The following PAK5 variants were observed in gnomAD, a reference collection of about 807,000 sequenced individuals.
PAK5 encodes the protein serine/threonine-protein kinase PAK 5.
In PAK5, 16 loss-of-function variants were observed where a neutral mutation model predicts 65.9. The ratio of observed to expected loss-of-function variants is 0.24; its 90% CI spans 0.16 to 0.37. The LOEUF (loss-of-function observed/expected upper bound fraction) is 0.37. PAK5 is among the 10% of genes least tolerant of loss of function. The pLI is 1.00. For missense variants in PAK5, 785 were observed against 903.9 expected (o/e 0.87, Z 1.69); for synonymous variants, 371 against 354.9 (o/e 1.05, Z -0.51).
intron 1 of PAK5, among the ~76,000 whole-genome samples, chr20:9,802,480 C>A (rs968990271): frequency 2.0e-5 from 3 of 151,988 alleles, no homozygotes; most frequent in Non-Finnish European, 2.9e-5. Context: ...TTAAAGGGAA[C>A]CCCAGAAATA....
chr20:9,766,333 A>AATATATATATTCTACTTACTTGAATAT (rs2048760078), intron 1 of PAK5, among the ~76,000 whole-genome samples: 2 of 25,932 alleles, frequency 7.7e-5, no homozygotes, highest in Admixed American at 4.2e-4. Context: ...TACTTACTTG[A>AATATATATATTCTACTTACTTGAATAT]ATATATATAT....
intron 3 of PAK5, among the ~76,000 whole-genome samples, chr20:9,613,558 T>C (rs931250932): frequency 6.6e-6 from 1 of 152,224 alleles, no homozygotes; most frequent in Non-Finnish European, 1.5e-5. Flanking sequence ...AAAAATCTGT[T>C]CATGCTTCTG....
chr20:9,684,929 A>C (rs1600239953), intron 2 of PAK5, among the ~76,000 whole-genome samples: 1 of 152,186 alleles, frequency 6.6e-6, no homozygotes, highest in East Asian at 1.9e-4. Flanking sequence ...TGCTGTATAG[A>C]GGATCTAACC....
intron 2 of PAK5, among the ~76,000 whole-genome samples, chr20:9,673,363 C>CT (rs1045801958): frequency 6.6e-6 from 1 of 152,090 alleles, no homozygotes; most frequent in Non-Finnish European, 1.5e-5. Flanking sequence ...TCCAAGAGAA[C>CT]TTTTTTCAAA....
intron 3 of PAK5, among the ~76,000 whole-genome samples, chr20:9,617,440 T>C (rs1190732617): frequency 6.6e-6 from 1 of 152,084 alleles, no homozygotes; most frequent in African/African-American, 2.4e-5. Context: ...TGTAATGACA[T>C]TGGAAACAGC....
intron 1 of PAK5, among the ~76,000 whole-genome samples, chr20:9,733,672 C>T (rs2423448): frequency 0.49 from 74,813 of 151,846 alleles, 18,511 homozygotes; most frequent in South Asian, 0.63. Flanking sequence ...CTTGAACTCC[C>T]GACCTCAAGT....
intron 2 of PAK5, among the ~76,000 whole-genome samples, chr20:9,647,554 C>T (rs2047149903): frequency 6.6e-6 from 1 of 152,140 alleles, no homozygotes; most frequent in Non-Finnish European, 1.5e-5. Context: ...CCAGTGGTTG[C>T]TATGCCACTC....
chr20:9,700,527 A>G (rs1350015916), intron 2 of PAK5, among the ~76,000 whole-genome samples: 1 of 152,180 alleles, frequency 6.6e-6, no homozygotes, highest in Non-Finnish European at 1.5e-5. Flanking sequence ...TACTTTGAAT[A>G]GATCCATCAT....
At position 9,738,170 on chromosome 20, in the gene PAK5, CA is replaced by C. The variant is rs1175049908; in HGVS notation, c.-161-26736del. On this transcript the variant is annotated intron_variant, in intron 1 of 9. Coordinates refer to ENST00000353224, the MANE Select transcript of PAK5 (RefSeq NM_177990.4). ...AACAAAAAACAAACAAACAAACAAA[CA>C]AAAAAACAATGTGGAGGAACTGGAA... Among the ~76,000 whole-genome samples, 40 of 150,278 alleles carry C rather than the reference CA, an allele frequency of 2.7e-4. No homozygotes were observed. In the East Asian group the frequency reaches 4.6e-3, roughly 17 times the overall value.
chr20:9,799,601 G>A (rs973023484), intron 1 of PAK5, among the ~76,000 whole-genome samples: 4 of 152,002 alleles, frequency 2.6e-5, no homozygotes, highest in African/African-American at 9.7e-5. Flanking sequence ...GTGTGAGACA[G>A]AGATTTATAA....
In PAK5 at chr20:9,580,531, G is replaced by T. The variant is rs996576343; in HGVS notation, c.604C>A (p.His202Asn). Residue 202 changes from histidine to asparagine, a missense_variant, in exon 4 of 10, where the codon CAT becomes AAT. By Grantham distance (68) the His-to-Asn change is moderately conservative. This residue lies in a region of PAK5 where 422 missense variants were observed against 413.3 expected (regional missense o/e 1.02). Coordinates refer to ENST00000353224, the MANE Select transcript of PAK5 (RefSeq NM_177990.4). The part of the protein sequence containing the change: ...FARFSADYHS[H>N]LDSLSKPSEY... ...CTTGGTTTGCTCAGTGAGTCCAAATGTGAGTGATAATCGGCAGAAAATCTG... is the reference window on the plus strand; with the variant it reads ...CTTGGTTTGCTCAGTGAGTCCAAATTTGAGTGATAATCGGCAGAAAATCTG... 7 of 1,614,042 alleles carry T rather than the reference G, an allele frequency of 4.3e-6. No homozygotes were observed. In the African/African-American group the frequency reaches 9.3e-5, roughly 22 times the overall value.
chr20:9,776,241 C>T (rs1345990844), intron 1 of PAK5, among the ~76,000 whole-genome samples: 1 of 152,104 alleles, frequency 6.6e-6, no homozygotes, highest in Non-Finnish European at 1.5e-5. Context: ...AAGGTAGAGT[C>T]AGAATTTCAT....
At chr20:9,802,133 T>C (rs544592976) in intron 1 of PAK5, among the ~76,000 whole-genome samples, 53 of 152,254 alleles carry the variant, frequency 3.5e-4, no homozygotes, top group South Asian at 8.3e-4. Context: ...ATTAGCCCGA[T>C]AGGGCATGAA....
intron 1 of PAK5, among the ~76,000 whole-genome samples, chr20:9,816,025 T>C (rs1216113237): frequency 6.6e-6 from 1 of 152,130 alleles, no homozygotes; most frequent in Non-Finnish European, 1.5e-5. Context: ...AAAGTCAGTC[T>C]GATTTCATGA....
chr20:9,621,891 G>T (rs909518799), intron 3 of PAK5, among the ~76,000 whole-genome samples: 1 of 152,206 alleles, frequency 6.6e-6, no homozygotes, highest in Admixed American at 6.5e-5. Context: ...TGGTGCCATT[G>T]ATACTCCATG....
At chr20:9,753,943 T>C (rs1423297469) in intron 1 of PAK5, among the ~76,000 whole-genome samples, 1 of 152,156 alleles carries the variant, frequency 6.6e-6, no homozygotes. Flanking sequence ...CTCACTCTTT[T>C]ACAGCTTTCT....
chr20:9,651,690 G>A (rs1037554841), intron 2 of PAK5, among the ~76,000 whole-genome samples: 1 of 152,076 alleles, frequency 6.6e-6, no homozygotes, highest in Non-Finnish European at 1.5e-5. Context: ...TATGCCCCAG[G>A]GGCTTTGATT....
intron 3 of PAK5, among the ~76,000 whole-genome samples, chr20:9,640,992 G>A (rs1000280446): frequency 2.0e-5 from 3 of 152,222 alleles, no homozygotes; most frequent in South Asian, 2.1e-4. Context: ...ATGCTGGCTC[G>A]GGCAGCCTGC....
chr20:9,664,591 C>T (rs1030537757), intron 2 of PAK5, among the ~76,000 whole-genome samples: 1 of 152,130 alleles, frequency 6.6e-6, no homozygotes, highest in African/African-American at 2.4e-5. Flanking sequence ...TAGGGAACAT[C>T]ATTTCGTTTT....
Sources: allele counts gnomAD v4.1 joint callset (sites outside exome capture counted in the v4.1 genomes callset), GRCh38; gene constraint gnomAD v4.1.1; regional missense constraint gnomAD v4.1.1; transcripts MANE v1.5; gene names NCBI Gene and HGNC (gene_info 2026-07-23, HGNC 2026-07-21).